TYW1B: variants seen among roughly 807,000 people sequenced by gnomAD.
TYW1B encodes the protein tRNA-yW synthesizing protein 1 homolog B.
In TYW1B, 73 loss-of-function variants were observed where a neutral mutation model predicts 86.9. That is an observed-to-expected ratio of 0.84 (90% CI 0.70 to 1.02). TYW1B has a LOEUF of 1.02. TYW1B is among the 50% of genes least tolerant of loss of function. TYW1B has a pLI of 0.00. For synonymous variants in TYW1B, 248 were observed against 292.8 expected, an observed-to-expected ratio of 0.85 and a Z score of 1.56; for missense variants, 637 against 827.4, an observed-to-expected ratio of 0.77 and a Z score of 2.82.
intron 13 of TYW1B, among the ~76,000 whole-genome samples, chr7:72,613,569 A>C (rs1414911512): frequency 1.3e-5 from 2 of 151,672 alleles, no homozygotes; most frequent in Non-Finnish European, 2.9e-5. Context: ...CACCACACCC[A>C]GCTAATTTTA....
intron 11 of TYW1B, among the ~76,000 whole-genome samples, chr7:72,693,644 C>A (rs1456368806): frequency 2.6e-5 from 4 of 151,946 alleles, no homozygotes; most frequent in African/African-American, 9.7e-5. Context: ...ATCTGCCCAC[C>A]TTGGCCTCTC....
intron 7 of TYW1B, among the ~76,000 whole-genome samples, chr7:72,757,967 C>T (rs981936163): frequency 6.6e-6 from 1 of 151,898 alleles, no homozygotes; most frequent in Non-Finnish European, 1.5e-5. Flanking sequence ...TGGCTCATGC[C>T]AGCACTTTGG....
At chr7:72,776,641 A>G (rs1787960503) in intron 7 of TYW1B, among the ~76,000 whole-genome samples, 2 of 137,370 alleles carry the variant, frequency 1.5e-5, no homozygotes, top group Non-Finnish European at 1.6e-5. Context: ...TAAGCAAACA[A>G]AATATAAAAT....
chr7:72,672,973 A>C (rs1554446647), intron 11 of TYW1B, among the ~76,000 whole-genome samples: 2 of 152,222 alleles, frequency 1.3e-5, no homozygotes, highest in African/African-American at 4.8e-5. Flanking sequence ...GTTGGAGACC[A>C]GCCTGGTCAA....
chr7:72,645,059 A>G (rs1323999320), intron 11 of TYW1B, among the ~76,000 whole-genome samples: 1 of 151,896 alleles, frequency 6.6e-6, no homozygotes, highest in African/African-American at 2.4e-5. Flanking sequence ...GATCTCCTGA[A>G]CTCATGATCC....
chr7:72,795,072 G>A (rs1282230421), intron 6 of TYW1B, among the ~76,000 whole-genome samples: 3 of 151,652 alleles, frequency 2.0e-5, no homozygotes, highest in Admixed American at 6.6e-5. Flanking sequence ...CATCCATCTC[G>A]GCCTCCCAAA....
chr7:72,581,926 C>A (rs1397093761), intron 13 of TYW1B, among the ~76,000 whole-genome samples: 4 of 151,614 alleles, frequency 2.6e-5, no homozygotes, highest in African/African-American at 9.7e-5. Context: ...CGCCACCACG[C>A]CCGGCTAATT....
chr7:72,655,583 T>C (rs1321232250), intron 11 of TYW1B, among the ~76,000 whole-genome samples: 1 of 152,016 alleles, frequency 6.6e-6, no homozygotes, highest in African/African-American at 2.4e-5. Flanking sequence ...AGCACTCTAG[T>C]CCACCCCATG....
intron 10 of TYW1B, among the ~76,000 whole-genome samples, chr7:72,702,894 A>G (rs1474800049): frequency 6.6e-6 from 1 of 151,716 alleles, no homozygotes; most frequent in Non-Finnish European, 1.5e-5. Context: ...ACAGAGAAAC[A>G]AGATTTTTAA....
chr7:72,619,602 C>T (rs1554437588), intron 12 of TYW1B, among the ~76,000 whole-genome samples: 1 of 146,288 alleles, frequency 6.8e-6, no homozygotes, highest in Non-Finnish European at 1.5e-5. Context: ...GATTGCGCCA[C>T]TGCAGTCCGC....
chr7:72,675,556 T>TATATATATAC (rs1491419640), intron 11 of TYW1B, among the ~76,000 whole-genome samples: 1 of 135,984 alleles, frequency 7.4e-6, no homozygotes. Context: ...TATATATATA[T>TATATATATAC]ACACACATAT....
chr7:72,713,300 C>CAAAA (rs71069102), intron 10 of TYW1B, among the ~76,000 whole-genome samples: 47 of 55,714 alleles, frequency 8.4e-4, no homozygotes, highest in East Asian at 2.2e-3. Context: ...GACTCCAACT[C>CAAAA]AAAAAAAAAA....
chr7:72,622,258 T>C (rs557153039), intron 12 of TYW1B, among the ~76,000 whole-genome samples: 3 of 152,256 alleles, frequency 2.0e-5, no homozygotes, highest in Non-Finnish European at 4.4e-5. Context: ...ACAAGGAATA[T>C]AGCAGAAAAA....
chr7:72,743,966 A>G (rs1337604704), intron 8 of TYW1B, among the ~76,000 whole-genome samples: 4 of 152,120 alleles, frequency 2.6e-5, no homozygotes, highest in Admixed American at 1.3e-4. Flanking sequence ...ACTATTCCCA[A>G]TTGCTGTAAA....
At chr7:72,679,538 G>A (rs1391310967) in intron 11 of TYW1B, among the ~76,000 whole-genome samples, 5 of 152,092 alleles carry the variant, frequency 3.3e-5, no homozygotes, top group Non-Finnish European at 7.4e-5. Flanking sequence ...AAGAAATGAG[G>A]GAGGCTACTA....
intron 13 of TYW1B, among the ~76,000 whole-genome samples, chr7:72,579,428 G>A (rs1554429296): frequency 6.6e-6 from 1 of 152,170 alleles, no homozygotes; most frequent in Non-Finnish European, 1.5e-5. Flanking sequence ...ATTAGCTCAG[G>A]CTGCCGTAAC....
intron 7 of TYW1B, among the ~76,000 whole-genome samples, chr7:72,771,227 G>A (rs1554469538): frequency 6.6e-6 from 1 of 152,100 alleles, no homozygotes; most frequent in African/African-American, 2.4e-5. Flanking sequence ...CTCCCAAAGT[G>A]CTAGGATTAC....
At chr7:72,662,062 T>G (rs1554444521) in intron 11 of TYW1B, among the ~76,000 whole-genome samples, 2 of 152,190 alleles carry the variant, frequency 1.3e-5, no homozygotes, top group Non-Finnish European at 2.9e-5. Flanking sequence ...CTAGGAGGAA[T>G]GGTGAAGACA....
At chr7:72,788,102 C>T (rs1172565940) in intron 6 of TYW1B, among the ~76,000 whole-genome samples, 8 of 151,870 alleles carry the variant, frequency 5.3e-5, no homozygotes, top group African/African-American at 1.2e-4. Context: ...CTCAGGCTCC[C>T]GAGTAGCTGG....
Sources: gnomAD v4.1 joint callset for allele counts (sites outside exome capture counted in the v4.1 genomes callset) on GRCh38, gnomAD v4.1.1 for gene constraint, MANE v1.5 for transcripts, NCBI Gene and HGNC (gene_info 2026-07-23, HGNC 2026-07-21) for gene names.